The following CENPV variants were observed in gnomAD, a reference collection of about 807,000 sequenced individuals.
CENPV encodes the protein nuclear protein p30.
In CENPV, 15 loss-of-function variants were observed where a neutral mutation model predicts 26.4. That is an observed-to-expected ratio of 0.57 (90% confidence interval 0.38 to 0.88). The LOEUF is 0.88. CENPV is among the 40% of genes least tolerant of loss of function. The probability of loss-of-function intolerance (pLI) is 0.00; values close to 1 mark genes in which losing one functional copy is unlikely to be tolerated. For missense variants in CENPV, 336 were observed against 376.5 expected (o/e 0.89, Z 0.89); for synonymous variants, 172 against 165.5 (o/e 1.04, Z -0.30).
At chr17:16,345,119 G>A (rs923829752) in intron 3 of CENPV, among the ~76,000 whole-genome samples, 5 of 151,884 alleles carry the variant, frequency 3.3e-5, no homozygotes, top group South Asian at 2.1e-4. Context: ...CTTTGTAGCC[G>A]GGTGTGGTGG....
chr17:16,353,213 G>A lies in CENPV; in HGVS notation c.224C>T (p.Pro75Leu). ...RSSPRAQEEG[P>L]GEPPPPELAL... ...CAGCTCAGGCGGCGGCGGCTCCCCC[G>A]GGCCCTCCTCCTGGGCCCGCGGCGA... Residue 75 changes from proline to leucine, a missense_variant, in exon 1 of 5, where the codon CCG (proline) becomes CTG (leucine). Pro to Leu is a moderately conservative substitution (Grantham distance 98). This residue lies in a region of CENPV where 181 missense variants were observed against 148.8 expected (regional missense o/e 1.22). Transcript: ENST00000299736. 2 of 1,381,856 alleles carry A rather than the reference G, an allele frequency of 1.4e-6. No homozygotes were observed. The highest frequency in any genetic ancestry group is 9.3e-7 in the Non-Finnish European group (1 of 1,074,774). 85.6% of individuals were successfully genotyped at this position (1,381,856 alleles called of 1,614,324 possible).
intron 2 of CENPV, chr17:16,349,153 A>G (rs924269009): frequency 1.0e-6 from 1 of 989,642 alleles, no homozygotes. Context: ...CTCTGGAATT[A>G]AACTGAAGTC....
In CENPV at chr17:16,353,453, C is replaced by T. The variant is rs1195963874; in HGVS notation, c.-17G>A. ...TCGCCGCATGGCTCCCGCAGCCTGG[C>T]GCGCAGGCCTCGCAGCGCGGCGCGC... On this transcript the variant is annotated 5_prime_UTR_variant, in exon 1 of 5. Coordinates refer to ENST00000299736, the MANE Select transcript of CENPV (RefSeq NM_181716.3). 4 of 1,109,588 alleles carry T rather than the reference C, an allele frequency of 3.6e-6. No individual in the cohort carries two copies. Among genetic ancestry groups the T allele is most frequent in the South Asian group, 4.3e-5 (1 of 23,238 alleles). 68.7% of individuals were successfully genotyped at this position (1,109,588 alleles called of 1,614,324 possible). A position where few individuals can be genotyped will look rare whatever the true frequency, so the allele number is the denominator to read the frequency against.
intron 4 of CENPV, 178 bp downstream of exon 4, chr17:16,344,419 C>T (rs1006215539): frequency 1.4e-5 from 5 of 362,468 alleles, no homozygotes; most frequent in East Asian, 4.2e-5. Context: ...AAAGTTTCAC[C>T]GGAGCCCGAC....
chr17:16,343,004 G>A (rs1206342894), intron 4 of CENPV, 63 bp from the exon 5 acceptor site: 16 of 1,594,754 alleles, frequency 1.0e-5, no homozygotes, highest in East Asian at 6.7e-5. Context: ...ATGGTGTACC[G>A]GCTCCTGGAT....
chr17:16,344,807 G>C, intron 3 of CENPV, 96 bp from the exon 4 acceptor site: 2 of 662,506 alleles, frequency 3.0e-6, no homozygotes, highest in South Asian at 2.4e-5. Context: ...GTCTCCCACT[G>C]TCTCTCAGGC....
Position 16,348,627 on chromosome 17 carries a change from T to G in CENPV, c.568A>C (p.Lys190Gln), listed in dbSNP as rs1392527419. 6.2e-7 allele frequency: 1 copy of G among 1,613,926 alleles called. No homozygotes were observed. Among genetic ancestry groups the G allele is most frequent in the Non-Finnish European group, 8.5e-7 (1 of 1,179,930 alleles). ...TCTTAAGCACTGACCTTCAGGAGCT[T>G]GAAGCGAGAAGCTGGAACAATGAAG... ...RHFIVPASRF[K>Q]LLKGAEHITT... Residue 190 changes from lysine to glutamine, a missense_variant, in exon 3 of 5, where the codon AAG becomes CAG. Physicochemically the swap from Lys to Gln is moderately conservative, Grantham distance 53 (BLOSUM62 1). Coordinates refer to ENST00000299736, the MANE Select transcript of CENPV (RefSeq NM_181716.3).
intron 1 of CENPV, chr17:16,350,709 T>C (rs910735548): frequency 3.3e-5 from 5 of 152,138 alleles, no homozygotes; most frequent in South Asian, 2.1e-4. Flanking sequence ...GCAGACACGA[T>C]TGCTACCCTT....
At chr17:16,344,053 TC>T (rs900354420) in intron 4 of CENPV, among the ~76,000 whole-genome samples, 7 of 152,024 alleles carry the variant, frequency 4.6e-5, no homozygotes, top group African/African-American at 1.7e-4. Flanking sequence ...TTGCTATGTT[TC>T]CCAGGCTGGT....
At chr17:16,349,091 C>T in intron 2 of CENPV, 1 of 992,598 alleles carries the variant, frequency 1.0e-6, no homozygotes, top group Non-Finnish European at 1.2e-6. Flanking sequence ...TTCTTCATCA[C>T]CACGTCACAA....
intron 3 of CENPV, among the ~76,000 whole-genome samples, chr17:16,345,388 G>A (rs2093202344): frequency 6.8e-6 from 1 of 147,326 alleles, no homozygotes; most frequent in Non-Finnish European, 1.5e-5. Flanking sequence ...GGGCAACATG[G>A]CAAAACCCTG....
chr17:16,344,716 G>C lies in CENPV; in HGVS notation c.580-5C>G. ...AGTCGTTATGTGCTCAGCTCCCTAG[G>C]TGAAAACAGACAAACGGTATTCTTT... On this transcript the variant is annotated splice_region_variant and splice_polypyrimidine_tract_variant and intron_variant, in intron 3 of 4. Transcript: ENST00000299736. 1 of 1,508,880 alleles carries C rather than the reference G, an allele frequency of 6.6e-7. No homozygotes were observed. Among genetic ancestry groups the C allele is most frequent in the East Asian group, 2.4e-5 (1 of 41,362 alleles). The allele number at this position is 1,508,880 out of a possible 1,614,324, so 93.5% of individuals were successfully genotyped here. A position where few individuals can be genotyped will look rare whatever the true frequency, so the allele number is the denominator to read the frequency against.
intron 3 of CENPV, 25 bp downstream of exon 3, chr17:16,348,591 C>A: frequency 6.2e-7 from 1 of 1,613,764 alleles, no homozygotes; most frequent in South Asian, 1.1e-5. Context: ...TTCTGCACTC[C>A]TTGACCCTGC....
At position 16,353,419 on chromosome 17, in the gene CENPV, G is replaced by C. The variant is rs1411002586; in HGVS notation, c.18C>G (p.Ser6Arg). The part of the protein sequence containing the change: MRRSR[S>R]SAAAKLRGQK... Reference sequence around the variant, plus strand: ...GCCCGCGCAGCTTGGCGGCCGCAGAGCTCCTCGATCGCCGCATGGCTCCCG... The same window carrying C: ...GCCCGCGCAGCTTGGCGGCCGCAGACCTCCTCGATCGCCGCATGGCTCCCG... The change falls in exon 1 of 5, where the codon AGC becomes AGG. Residue 6 changes from serine to arginine, a missense_variant. Around this residue, in one of 2 missense-constraint regions of CENPV, gnomAD observed 181 missense variants for 148.8 expected, o/e 1.22. Coordinates refer to ENST00000299736, the MANE Select transcript of CENPV (RefSeq NM_181716.3). 1.7e-6 allele frequency: 2 copies of C among 1,169,408 alleles called. No individual in the cohort carries two copies. Among genetic ancestry groups the C allele is most frequent in the Non-Finnish European group, 2.1e-6 (2 of 949,622 alleles). The allele number at this position is 1,169,408 out of a possible 1,614,324, so 72.4% of individuals were successfully genotyped here. A position where few individuals can be genotyped will look rare whatever the true frequency, so the allele number is the denominator to read the frequency against.
At position 16,349,076 on chromosome 17, in the gene CENPV, C is replaced by G. The variant is rs953212119; in HGVS notation, c.510-391G>C. On this transcript the variant is annotated intron_variant, in intron 2 of 4. Coordinates refer to ENST00000299736, the MANE Select transcript of CENPV (RefSeq NM_181716.3). ...AAATGGACAAGGAAGTTTAGGTTTCCCTCTTTCTTCATCACCACGTCACAA... is the reference window on the plus strand; with the variant it reads ...AAATGGACAAGGAAGTTTAGGTTTCGCTCTTTCTTCATCACCACGTCACAA... The G allele has an allele frequency of 3.0e-6, 3 of 993,116 alleles. No individual in the cohort carries two copies. In the Admixed American group the frequency reaches 1.7e-4, roughly 58 times the overall value. 61.5% of individuals were successfully genotyped at this position (993,116 alleles called of 1,614,324 possible).
intron 4 of CENPV, 104 bp from the exon 5 acceptor site, chr17:16,343,045 C>T: frequency 7.8e-7 from 1 of 1,284,660 alleles, no homozygotes; most frequent in East Asian, 2.5e-5. Context: ...CATCACGCTA[C>T]ACATTAGGGC....
At chr17:16,348,361 T>C in intron 3 of CENPV, 1 of 716,920 alleles carries the variant, frequency 1.4e-6, no homozygotes, top group South Asian at 3.0e-5. Context: ...TTCACCATGT[T>C]GGCCAGGCTG....
chr17:16,345,749 C>T (rs557749999), intron 3 of CENPV, among the ~76,000 whole-genome samples: 1 of 152,174 alleles, frequency 6.6e-6, no homozygotes, highest in East Asian at 1.9e-4. Flanking sequence ...TTCCCTGATA[C>T]ATCACATCAG....
chr17:16,347,881 T>G (rs1472109355), intron 3 of CENPV, among the ~76,000 whole-genome samples: 1 of 152,106 alleles, frequency 6.6e-6, no homozygotes, highest in Non-Finnish European at 1.5e-5. Context: ...TACAAATAAG[T>G]ATATAAGCTT....
Sources: gnomAD v4.1 joint callset for allele counts (sites outside exome capture counted in the v4.1 genomes callset) on GRCh38, gnomAD v4.1.1 for gene constraint, gnomAD v4.1.1 regional missense constraint, MANE v1.5 for transcripts, NCBI Gene and HGNC (gene_info 2026-07-23, HGNC 2026-07-21) for gene names.